The following MDGA2 variants were observed in gnomAD, a reference collection of about 807,000 sequenced individuals.
MDGA2 encodes MAM domain-containing glycosylphosphatidylinositol anchor protein 2.
MDGA2 carries 40 observed loss-of-function variants against 117.8 expected under a neutral mutation model. That is an observed-to-expected ratio of 0.34 (90% CI 0.26 to 0.44). MDGA2 has a LOEUF of 0.44. MDGA2 is among the 20% of genes least tolerant of loss of function. MDGA2 has a pLI of 1.00. For synonymous variants in MDGA2, 452 were observed against 439.0 expected (o/e 1.03, Z -0.37); for missense variants, 1,123 against 1,250.6 (o/e 0.90, Z 1.54).
chr14:47,332,732 C>A (rs566531842), intron 1 of MDGA2, among the ~76,000 whole-genome samples: 1 of 151,826 alleles, frequency 6.6e-6, no homozygotes, highest in Non-Finnish European at 1.5e-5. Context: ...ATGGTGAAGT[C>A]TGGGCTTTTA....
intron 9 of MDGA2, among the ~76,000 whole-genome samples, chr14:46,939,522 T>C (rs756507223): frequency 6.6e-6 from 1 of 152,172 alleles, no homozygotes; most frequent in African/African-American, 2.4e-5. Flanking sequence ...ATACTAAAAA[T>C]AGCAGTTTCT....
intron 5 of MDGA2, among the ~76,000 whole-genome samples, chr14:47,103,844 T>A (rs930298183): frequency 1.3e-5 from 2 of 152,196 alleles, no homozygotes; most frequent in Non-Finnish European, 2.9e-5. Context: ...TTCTCCCTAG[T>A]GCAATAGGTT....
chr14:47,298,689 T>A (rs982038105), intron 2 of MDGA2, among the ~76,000 whole-genome samples: 1 of 148,074 alleles, frequency 6.8e-6, no homozygotes, highest in South Asian at 2.2e-4. Context: ...TTTTCTTTTT[T>A]TTTTTTTTTT....
chr14:46,888,669 AGATTCTGAAATGTGAAGGGAATAAAAG>A, intron 10 of MDGA2, among the ~76,000 whole-genome samples: 1 of 151,824 alleles, frequency 6.6e-6, no homozygotes. Context: ...AGGCTGCAAC[AGATTCTGAAATGTGAAGGGAATAAAAG>A]TGGTAATGTT....
chr14:47,575,124 A>T (rs1896092653), intron 1 of MDGA2, among the ~76,000 whole-genome samples: 3 of 152,186 alleles, frequency 2.0e-5, no homozygotes, highest in Admixed American at 6.5e-5. Flanking sequence ...TGAGTAGATA[A>T]TTTCTAATCA....
intron 1 of MDGA2, among the ~76,000 whole-genome samples, chr14:47,369,120 C>G (rs12883727): frequency 0.72 from 109,623 of 151,982 alleles, 39,801 homozygotes; most frequent in Middle Eastern, 0.82. Flanking sequence ...TATTTACATA[C>G]GTAGATAGAA....
At chr14:47,519,153 C>T (rs1022510072) in intron 1 of MDGA2, among the ~76,000 whole-genome samples, 2 of 151,264 alleles carry the variant, frequency 1.3e-5, no homozygotes, top group African/African-American at 2.4e-5. Flanking sequence ...TGCAGTGAGC[C>T]GAGATCACAC....
At chr14:47,224,288 T>C (rs1246521995) in intron 2 of MDGA2, among the ~76,000 whole-genome samples, 1 of 130,214 alleles carries the variant, frequency 7.7e-6, no homozygotes, top group Non-Finnish European at 1.7e-5. Context: ...GAGTCTGATA[T>C]AGATATAGAT....
At position 47,000,438 on chromosome 14, in the gene MDGA2, CATATAAAT is replaced by C. The variant is rs1566567986; in HGVS notation, c.1819+34565_1819+34572del. Among the ~76,000 whole-genome samples the C allele has an allele frequency of 4.9e-5, 4 of 82,228 alleles. No individual in the cohort carries two copies. The East Asian group carries it at 2.1e-3, about 43-fold the overall frequency. 53.9% of individuals were successfully genotyped at this position (82,228 alleles called of 152,430 possible). A position where few individuals can be genotyped will look rare whatever the true frequency, so the allele number is the denominator to read the frequency against. ...ATATATACACATATAAATATATATA[CATATAAAT>C]ATATATATAAATATATATATGTATA... is the stretch of plus-strand genomic sequence containing the variant. On this transcript the variant is annotated intron_variant, in intron 8 of 16. Coordinates refer to ENST00000399232, the MANE Select transcript of MDGA2 (RefSeq NM_001113498.3).
chr14:46,881,583 T>G (rs1420053262), intron 11 of MDGA2, among the ~76,000 whole-genome samples: 2 of 152,184 alleles, frequency 1.3e-5, no homozygotes, highest in Non-Finnish European at 2.9e-5. Context: ...ATGGGGATAC[T>G]GTGTCAGGGA....
chr14:47,160,136 C>T (rs1357540381), intron 3 of MDGA2, among the ~76,000 whole-genome samples: 1 of 152,100 alleles, frequency 6.6e-6, no homozygotes, highest in African/African-American at 2.4e-5. Context: ...ACGAGTTGAA[C>T]CCAAAATTTA....
At chr14:47,022,317 A>T (rs1251007574) in intron 8 of MDGA2, among the ~76,000 whole-genome samples, 12 of 152,104 alleles carry the variant, frequency 7.9e-5, no homozygotes, top group Non-Finnish European at 1.3e-4. Context: ...GGACTCAAGC[A>T]ATCTGCCCAC....
intron 1 of MDGA2, among the ~76,000 whole-genome samples, chr14:47,537,332 G>A (rs1312525874): frequency 6.7e-6 from 1 of 148,192 alleles, no homozygotes; most frequent in Non-Finnish European, 1.5e-5. Context: ...GGGAGGGATA[G>A]CATTAGGAGA....
chr14:47,175,742 G>A lies in MDGA2; in HGVS notation c.596-31468C>T, dbSNP rs558061990. On this transcript the variant is annotated intron_variant, in intron 3 of 16. Transcript: ENST00000399232. ...GCATTTCCTTTGAAAACTGGCACAA[G>A]ACAGGGATGCCCTCTCTCACCACTC... Among the ~76,000 whole-genome samples, 25 of 146,140 alleles carry A rather than the reference G, an allele frequency of 1.7e-4. 2 individuals carry two copies. The South Asian group carries it at 2.1e-3, about 13-fold the overall frequency.
Position 47,035,178 on chromosome 14 carries a change from T to G in MDGA2, c.1652A>C (p.Lys551Thr). ...TGATCCATCAGGCATTGCAACTTCT[T>G]TATCCGCTCTAGACCAAAGGATGAT... The part of the protein sequence containing the change: ...KPIILWSRAD[K>T]EVAMPDGSMQ... The change falls in exon 8 of 17, where the codon AAA becomes ACA. Residue 551 changes from lysine (K) to threonine (T), a missense_variant. Transcript: ENST00000399232. 1 of 1,614,170 alleles carries G rather than the reference T, an allele frequency of 6.2e-7. No individual in the cohort carries two copies. The highest frequency in any genetic ancestry group is 8.5e-7 in the Non-Finnish European group (1 of 1,180,024).
chr14:47,642,581 C>A (rs542638299), intron 1 of MDGA2, among the ~76,000 whole-genome samples: 1 of 152,168 alleles, frequency 6.6e-6, no homozygotes, highest in Admixed American at 6.5e-5. Flanking sequence ...ACCAAGCAAA[C>A]AAACTGTGTT....
chr14:47,343,248 C>A, intron 1 of MDGA2: 1 of 1,139,558 alleles, frequency 8.8e-7, no homozygotes, highest in South Asian at 1.8e-5. Context: ...GAACGATTAT[C>A]GAATTCCGGG....
chr14:47,194,926 A>G (rs1429866600), intron 3 of MDGA2, among the ~76,000 whole-genome samples: 1 of 151,950 alleles, frequency 6.6e-6, no homozygotes, highest in East Asian at 1.9e-4. Context: ...GACCAAATGC[A>G]TTGTTTGTGT....
intron 6 of MDGA2, among the ~76,000 whole-genome samples, chr14:47,077,156 C>T (rs530158216): frequency 1.1e-4 from 17 of 152,156 alleles, no homozygotes; most frequent in Admixed American, 2.6e-4. Flanking sequence ...CACAGTTAGG[C>T]GCTGGATTCC....
Sources: gnomAD v4.1 joint callset for allele counts (sites outside exome capture counted in the v4.1 genomes callset) on GRCh38, gnomAD v4.1.1 for gene constraint, MANE v1.5 for transcripts, NCBI Gene and HGNC (gene_info 2026-07-23, HGNC 2026-07-21) for gene names.